Variants in ZFAND3 observed in about 807,000 individuals in gnomAD.
ZFAND3 encodes the protein zinc finger AN1-type containing 3.
In ZFAND3, 10 loss-of-function variants were observed where a neutral mutation model predicts 29.6. The observed-to-expected ratio is 0.34, with a 90% confidence interval of 0.21 to 0.57. The LOEUF is 0.57. Ranked by LOEUF, ZFAND3 falls within the 20% of genes least tolerant of loss-of-function variation. The pLI is 0.86. For synonymous variants in ZFAND3, 128 were observed against 112.6 expected (o/e 1.14, Z -0.87); for missense variants, 230 against 304.5 (o/e 0.76, Z 1.82).
intron 2 of ZFAND3, among the ~76,000 whole-genome samples, chr6:37,985,746 A>G (rs1762661237): frequency 6.6e-6 from 1 of 152,258 alleles, no homozygotes; most frequent in African/African-American, 2.4e-5. Flanking sequence ...TGCCACCAAC[A>G]TACAAAGCAC....
At chr6:38,122,729 A>C (rs1010139077) in intron 5 of ZFAND3, among the ~76,000 whole-genome samples, 2 of 152,214 alleles carry the variant, frequency 1.3e-5, no homozygotes, top group African/African-American at 4.8e-5. Context: ...AGACATACAT[A>C]AAATAACTGG....
At chr6:37,848,753 AGG>A (rs1337035338) in intron 1 of ZFAND3, among the ~76,000 whole-genome samples, 6 of 152,060 alleles carry the variant, frequency 3.9e-5, no homozygotes, top group Non-Finnish European at 7.4e-5. Context: ...AAAACTTGGG[AGG>A]GTTGTGTTTG....
intron 1 of ZFAND3, among the ~76,000 whole-genome samples, chr6:37,885,383 T>C (rs1764971287): frequency 6.6e-6 from 1 of 152,102 alleles, no homozygotes; most frequent in African/African-American, 2.4e-5. Context: ...GTGGCTCACG[T>C]CTGTAATCCC....
At chr6:37,874,291 G>A (rs937693982) in intron 1 of ZFAND3, among the ~76,000 whole-genome samples, 10 of 152,234 alleles carry the variant, frequency 6.6e-5, no homozygotes, top group Admixed American at 2.0e-4. Context: ...CAAAGCAGGC[G>A]GATCACCTGA....
chr6:37,962,626 C>T (rs1216367203), intron 2 of ZFAND3, among the ~76,000 whole-genome samples: 1 of 151,948 alleles, frequency 6.6e-6, no homozygotes, highest in African/African-American at 2.4e-5. Flanking sequence ...TCTGTAAAAA[C>T]GCACCAATCA....
intron 3 of ZFAND3, among the ~76,000 whole-genome samples, chr6:38,068,472 G>C (rs1764388079): frequency 1.3e-5 from 2 of 152,148 alleles, no homozygotes; most frequent in South Asian, 4.1e-4. Flanking sequence ...GCAAAACCCT[G>C]TTTTACAGAG....
chr6:37,944,219 A>G (rs1023030719), intron 2 of ZFAND3, among the ~76,000 whole-genome samples: 1 of 152,168 alleles, frequency 6.6e-6, no homozygotes, highest in African/African-American at 2.4e-5. Flanking sequence ...ATTTTATATG[A>G]GATTTTATAC....
At chr6:38,122,246 A>G (rs917333799) in intron 5 of ZFAND3, among the ~76,000 whole-genome samples, 2 of 152,200 alleles carry the variant, frequency 1.3e-5, no homozygotes, top group South Asian at 2.1e-4. Context: ...CACATAACCT[A>G]CGTACATCCT....
At chr6:37,958,164 C>T (rs562049859) in intron 2 of ZFAND3, among the ~76,000 whole-genome samples, 2 of 152,168 alleles carry the variant, frequency 1.3e-5, no homozygotes, top group East Asian at 3.9e-4. Context: ...TTAAAAATTG[C>T]TCATTTAGGC....
At chr6:37,875,527 G>T (rs1473038815) in intron 1 of ZFAND3, among the ~76,000 whole-genome samples, 1 of 151,534 alleles carries the variant, frequency 6.6e-6, no homozygotes, top group Admixed American at 6.6e-5. Flanking sequence ...GAGGTGAACT[G>T]TTTAAAATAA....
At chr6:37,888,873 T>A (rs1765045944) in intron 1 of ZFAND3, among the ~76,000 whole-genome samples, 1 of 152,236 alleles carries the variant, frequency 6.6e-6, no homozygotes, top group Non-Finnish European at 1.5e-5. Context: ...AAACTTATAT[T>A]TTGTAAATAC....
chr6:37,949,272 C>T (rs976809765), intron 2 of ZFAND3, among the ~76,000 whole-genome samples: 2 of 152,112 alleles, frequency 1.3e-5, no homozygotes, highest in Non-Finnish European at 2.9e-5. Flanking sequence ...AGTGTCTGTT[C>T]ATGTCCTTTG....
intron 2 of ZFAND3, among the ~76,000 whole-genome samples, chr6:38,047,124 C>G (rs1183248702): frequency 1.3e-5 from 2 of 151,978 alleles, no homozygotes. Flanking sequence ...CAAGACCAGC[C>G]TGGCCAACAT....
intron 5 of ZFAND3, among the ~76,000 whole-genome samples, chr6:38,122,226 T>C (rs1765548898): frequency 6.6e-6 from 1 of 152,208 alleles, no homozygotes; most frequent in Non-Finnish European, 1.5e-5. Flanking sequence ...TATAAAATGG[T>C]GTAGCATTGC....
intron 2 of ZFAND3, among the ~76,000 whole-genome samples, chr6:38,029,911 CAT>C (rs1451401496): frequency 1.1e-4 from 17 of 151,694 alleles, no homozygotes; most frequent in Admixed American, 3.3e-4. Context: ...ATAAGAAAAA[CAT>C]AAAGTTTATA....
chr6:38,092,618 A>T (rs192945185), intron 4 of ZFAND3, among the ~76,000 whole-genome samples: 31 of 152,120 alleles, frequency 2.0e-4, no homozygotes, highest in African/African-American at 6.7e-4. Context: ...TAGGAGTAGG[A>T]CTGTGTTTTC....
intron 2 of ZFAND3, among the ~76,000 whole-genome samples, chr6:38,020,123 T>G (rs578196884): frequency 6.6e-6 from 1 of 152,354 alleles, no homozygotes; most frequent in Non-Finnish European, 1.5e-5. Context: ...AAATCATAGC[T>G]TTGTTACCTA....
At position 38,110,249 on chromosome 6, in the gene ZFAND3, G is replaced by A. The variant is rs76703507; in HGVS notation, c.362-6323G>A. Among the ~76,000 whole-genome samples the A allele has an allele frequency of 5.9e-3, 892 of 152,142 alleles. 9 individuals are homozygous for A. The highest frequency in any genetic ancestry group is 5.6e-3 in the Non-Finnish European group (383 of 68,014). On this transcript the variant is annotated intron_variant, in intron 4 of 5. Transcript: ENST00000287218. ...GATGTGTTACTCCAAAATTATTTTA[G>A]GGTCATTGGGAACATTAAGAAAGGA...
At chr6:38,098,532 G>A (rs1370689724) in intron 4 of ZFAND3, among the ~76,000 whole-genome samples, 5 of 148,360 alleles carry the variant, frequency 3.4e-5, no homozygotes, top group South Asian at 2.1e-4. Context: ...ACAGAGTCTC[G>A]CTCTGTTGCC....
Sources: allele counts gnomAD v4.1 joint callset (sites outside exome capture counted in the v4.1 genomes callset), GRCh38; gene constraint gnomAD v4.1.1; transcripts MANE v1.5; gene names NCBI Gene and HGNC (gene_info 2026-07-23, HGNC 2026-07-21).